Variants in TRIM37 observed in about 807,000 individuals in gnomAD.
TRIM37 encodes the protein E3 ubiquitin-protein ligase TRIM37.
Under a neutral mutation model 129.8 loss-of-function variants are expected in TRIM37, and 80 were observed. That is an observed-to-expected ratio of 0.62 (90% CI 0.51 to 0.74). The LOEUF is 0.74. Ranked by LOEUF, TRIM37 falls within the 30% of genes least tolerant of loss-of-function variation. TRIM37 has a pLI of 0.00. For synonymous variants in TRIM37, 389 were observed against 387.1 expected (o/e 1.00, Z -0.06); for missense variants, 1,054 against 1,176.5 (o/e 0.90, Z 1.52).
intron 24 of TRIM37, among the ~76,000 whole-genome samples, chr17:58,992,435 C>T (rs918282750): frequency 1.1e-4 from 17 of 151,600 alleles, no homozygotes; most frequent in African/African-American, 3.9e-4. Context: ...GGCTGGAGTG[C>T]GATGGCACAA....
At chr17:59,044,926 T>C (rs1188612999) in intron 16 of TRIM37, among the ~76,000 whole-genome samples, 1 of 151,770 alleles carries the variant, frequency 6.6e-6, no homozygotes, top group Non-Finnish European at 1.5e-5. Context: ...CTAGCTACTA[T>C]GGAGGCTGAG....
At chr17:59,026,646 C>T (rs757517258) in intron 19 of TRIM37, among the ~76,000 whole-genome samples, 2 of 152,156 alleles carry the variant, frequency 1.3e-5, no homozygotes, top group Non-Finnish European at 2.9e-5. Context: ...AAGGACACCC[C>T]TGCCAACAAG....
At chr17:58,988,110 G>A (rs907786086) in intron 24 of TRIM37, among the ~76,000 whole-genome samples, 5 of 152,196 alleles carry the variant, frequency 3.3e-5, no homozygotes, top group South Asian at 2.1e-4. Flanking sequence ...TCGTAGGGTC[G>A]TTGTAAACAG....
At chr17:58,967,890 G>A in the TRIM37 span, among the ~76,000 whole-genome samples, 1 of 150,758 alleles carries the variant, frequency 6.6e-6, no homozygotes, top group Admixed American at 6.7e-5. Context: ...TGCAACCTCC[G>A]CTTCCCGGGT....
intron 16 of TRIM37, among the ~76,000 whole-genome samples, chr17:59,042,703 T>C (rs1599106921): frequency 6.9e-6 from 1 of 145,600 alleles, no homozygotes; most frequent in Non-Finnish European, 1.5e-5. Context: ...GTGGAGGTTG[T>C]AGTGAGCCAA....
chr17:59,030,210 A>G (rs1416648774), intron 18 of TRIM37, among the ~76,000 whole-genome samples: 1 of 152,012 alleles, frequency 6.6e-6, no homozygotes, highest in Non-Finnish European at 1.5e-5. Flanking sequence ...GGTTTAAGCC[A>G]TTCTCCTGCC....
chr17:59,040,473 C>T (rs888785275), intron 17 of TRIM37, among the ~76,000 whole-genome samples: 19 of 151,944 alleles, frequency 1.3e-4, no homozygotes, highest in Non-Finnish European at 1.9e-4. Context: ...TTATCAGTCA[C>T]GGTGGCTACT....
At chr17:58,978,535 AC>A (rs1192668608), downstream of TRIM37, among the ~76,000 whole-genome samples, 2 of 151,810 alleles carry the variant, frequency 1.3e-5, no homozygotes, top group African/African-American at 4.8e-5. Flanking sequence ...ATATGGTGAA[AC>A]CCCGTCTCTA....
At chr17:58,991,717 C>T (rs1472910278) in intron 24 of TRIM37, among the ~76,000 whole-genome samples, 1 of 152,082 alleles carries the variant, frequency 6.6e-6, no homozygotes. Flanking sequence ...CTGGTTAGCT[C>T]AGTTGGTTAG....
At chr17:59,104,592 A>G (rs2045822760) in intron 1 of TRIM37, 198 bp from the exon 2 acceptor site, 2 of 740,452 alleles carry the variant, frequency 2.7e-6, no homozygotes, top group South Asian at 2.8e-5. Flanking sequence ...TGGTTTCACG[A>G]TGATTCTATT....
chr17:58,988,954 T>TCAATATATACA (rs1181950188), intron 24 of TRIM37, among the ~76,000 whole-genome samples: 1 of 152,210 alleles, frequency 6.6e-6, no homozygotes, highest in Non-Finnish European at 1.5e-5. Context: ...CCATAATATA[T>TCAATATATACA]TAATTCAACC....
intron 22 of TRIM37, among the ~76,000 whole-genome samples, chr17:59,004,365 TATCTC>T (rs1349604534): frequency 2.0e-5 from 3 of 151,506 alleles, no homozygotes; most frequent in African/African-American, 7.3e-5. Flanking sequence ...GAAGAGAAAA[TATCTC>T]AAATCAATAA....
At chr17:58,980,917 T>C (rs1453991479), downstream of TRIM37, 5 of 1,614,146 alleles carry the variant, frequency 3.1e-6, no homozygotes, top group Middle Eastern at 1.6e-4. The surrounding 1 kb of genome is among the most constrained non-coding windows in gnomAD (Gnocchi z 4.7). Context: ...GGATAAGAAG[T>C]TCTCTGCCAT....
At chr17:58,989,964 T>C (rs1387486164) in intron 24 of TRIM37, among the ~76,000 whole-genome samples, 1 of 151,286 alleles carries the variant, frequency 6.6e-6, no homozygotes, top group Non-Finnish European at 1.5e-5. Flanking sequence ...GGTGGGAGGA[T>C]AGCTTAAACT....
chr17:58,991,970 C>A (rs1427412617), intron 24 of TRIM37, among the ~76,000 whole-genome samples: 1 of 152,098 alleles, frequency 6.6e-6, no homozygotes, highest in Non-Finnish European at 1.5e-5. Flanking sequence ...AGACTGCCCT[C>A]ATTCCAGACA....
chr17:59,008,229 A>G (rs1946931434), intron 22 of TRIM37, among the ~76,000 whole-genome samples: 1 of 152,212 alleles, frequency 6.6e-6, no homozygotes, highest in Non-Finnish European at 1.5e-5. Context: ...TCAGATACCA[A>G]CAAATTACAA....
intron 18 of TRIM37, among the ~76,000 whole-genome samples, chr17:59,030,618 T>G (rs2037745671): frequency 1.3e-5 from 2 of 152,238 alleles, no homozygotes; most frequent in African/African-American, 4.8e-5. Context: ...CACAGAAATC[T>G]TACTATTTAG....
At chr17:59,012,071 C>G (rs1166090208) in intron 22 of TRIM37, among the ~76,000 whole-genome samples, 1 of 152,056 alleles carries the variant, frequency 6.6e-6, no homozygotes, top group Non-Finnish European at 1.5e-5. Flanking sequence ...AGTAACTTAC[C>G]CATTTTGCCT....
At chr17:59,004,506 T>C (rs2034218031) in intron 22 of TRIM37, among the ~76,000 whole-genome samples, 1 of 151,924 alleles carries the variant, frequency 6.6e-6, no homozygotes, top group African/African-American at 2.4e-5. Flanking sequence ...AACAAAATGG[T>C]GTTTCTTTGA....
Sources: gnomAD v4.1 joint callset for allele counts (sites outside exome capture counted in the v4.1 genomes callset) on GRCh38, gnomAD v4.1.1 for gene constraint, Gnocchi (gnomAD v3.1) non-coding constraint, MANE v1.5 for transcripts, NCBI Gene and HGNC (gene_info 2026-07-23, HGNC 2026-07-21) for gene names.